PTPRT: variants seen among roughly 807,000 people sequenced by gnomAD.
The protein encoded by PTPRT is receptor-type tyrosine-protein phosphatase T.
A neutral mutation model predicts 176.8 loss-of-function variants in PTPRT; 56 were observed. The observed-to-expected ratio is 0.32, with a 90% CI of 0.26 to 0.40. The LOEUF is 0.40. PTPRT is among the 10% of genes least tolerant of loss of function. The pLI is 1.00. For missense variants in PTPRT, 1,540 were observed against 1,908.2 expected (o/e 0.81, Z 3.60); for synonymous variants, 783 against 739.0 (o/e 1.06, Z -0.96).
chr20:42,231,339 A>G (rs1408835959), intron 15 of PTPRT, among the ~76,000 whole-genome samples: 1 of 152,208 alleles, frequency 6.6e-6, no homozygotes, highest in Admixed American at 6.5e-5. Flanking sequence ...TGTGGTCCTG[A>G]GTTCAAACTT....
At chr20:42,090,016 G>C (rs1337854858) in intron 27 of PTPRT, among the ~76,000 whole-genome samples, 1 of 152,154 alleles carries the variant, frequency 6.6e-6, no homozygotes, top group Non-Finnish European at 1.5e-5. Context: ...ATGCATTGGG[G>C]TTTCTTCTTG....
intron 26 of PTPRT, among the ~76,000 whole-genome samples, chr20:42,101,661 G>A (rs553175730): frequency 1.3e-4 from 20 of 152,246 alleles, no homozygotes; most frequent in African/African-American, 2.4e-4. Flanking sequence ...CCTACTGTGC[G>A]CCATCCTCAT....
At chr20:42,341,938 G>T (rs112165066) in intron 11 of PTPRT, among the ~76,000 whole-genome samples, 12 of 152,278 alleles carry the variant, frequency 7.9e-5, no homozygotes, top group African/African-American at 2.6e-4. Context: ...ATATAATCCA[G>T]AATCCTAACA....
chr20:42,171,583 G>C (rs1990080537), intron 16 of PTPRT, among the ~76,000 whole-genome samples: 1 of 151,998 alleles, frequency 6.6e-6, no homozygotes, highest in Non-Finnish European at 1.5e-5. Context: ...ACTGTACAGG[G>C]TACTGTAGAG....
intron 1 of PTPRT, among the ~76,000 whole-genome samples, chr20:43,021,588 C>T (rs1568737887): frequency 6.6e-6 from 1 of 152,050 alleles, no homozygotes; most frequent in Non-Finnish European, 1.5e-5. Flanking sequence ...TGAATGGGGG[C>T]TGGGCTGGGG....
At chr20:42,218,475 T>C (rs746981336) in intron 15 of PTPRT, among the ~76,000 whole-genome samples, 3 of 152,214 alleles carry the variant, frequency 2.0e-5, no homozygotes, top group Non-Finnish European at 4.4e-5. Context: ...CCTAGGCCCT[T>C]CTTCCACCTG....
Position 42,924,311 on chromosome 20 carries a change from G to C in PTPRT, c.89-38379C>G, listed in dbSNP as rs186968984. ...TTGGGTTTAAAGCAGCATGCAGCTA[G>C]CTAGGAAGGCCATGGCATTTGTGTG... is the stretch of plus-strand genomic sequence containing the variant. On this transcript the variant is annotated intron_variant, in intron 1 of 30. Transcript: ENST00000373187. Among the ~76,000 whole-genome samples, 500 of 152,298 alleles carry C rather than the reference G, an allele frequency of 3.3e-3. 6 individuals carry two copies. The highest frequency in any genetic ancestry group is 0.012 in the African/African-American group (485 of 41,568).
the PTPRT span, among the ~76,000 whole-genome samples, chr20:42,037,655 AGAG>A: frequency 1.3e-5 from 2 of 152,228 alleles, no homozygotes; most frequent in Non-Finnish European, 2.9e-5. Context: ...TGTGGACCTC[AGAG>A]GAGTTTCTCA....
rs76007946 is a variant in PTPRT at position 42,892,487 on chromosome 20, T to TAA, written c.89-6557_89-6556dup. Reference sequence around the variant, plus strand: ...TTTAATATCCAGCAGTGGAGCTAAGTAAAAAAAAAAAAAAGAAAACTGGGC... The same window carrying TAA: ...TTTAATATCCAGCAGTGGAGCTAAGTAAAAAAAAAAAAAAAAGAAAACTGGGC... On this transcript the variant is annotated intron_variant, in intron 1 of 30. Transcript: ENST00000373187. 5.3e-5 allele frequency among the ~76,000 whole-genome samples: 7 copies of TAA among 132,002 alleles called. No homozygotes were observed. The South Asian group carries it at 1.2e-3, about 23-fold the overall frequency. The allele number at this position is 132,002 out of a possible 152,430, so 86.6% of individuals were successfully genotyped here.
intron 2 of PTPRT, among the ~76,000 whole-genome samples, chr20:42,881,794 G>C (rs2079016529): frequency 6.7e-6 from 1 of 149,980 alleles, no homozygotes; most frequent in African/African-American, 2.4e-5. Flanking sequence ...TCAACAAAGT[G>C]AAGAATTGAG....
intron 1 of PTPRT, among the ~76,000 whole-genome samples, chr20:43,039,379 T>C (rs1002426879): frequency 8.6e-5 from 13 of 151,546 alleles, no homozygotes; most frequent in African/African-American, 3.1e-4. Context: ...ACAAAATCTC[T>C]ATCTCACTCC....
At chr20:42,738,012 C>G (rs1010927413) in intron 6 of PTPRT, among the ~76,000 whole-genome samples, 1 of 152,140 alleles carries the variant, frequency 6.6e-6, no homozygotes, top group Non-Finnish European at 1.5e-5. Context: ...TACCTCACAA[C>G]AAACCTGAAG....
intron 9 of PTPRT, among the ~76,000 whole-genome samples, chr20:42,355,067 C>G (rs1385246674): frequency 6.6e-6 from 1 of 152,144 alleles, no homozygotes; most frequent in Non-Finnish European, 1.5e-5. Flanking sequence ...GAGGCAAGTG[C>G]TACAGGCATC....
At chr20:42,889,919 T>A (rs1159484043) in intron 1 of PTPRT, among the ~76,000 whole-genome samples, 1 of 152,112 alleles carries the variant, frequency 6.6e-6, no homozygotes, top group Non-Finnish European at 1.5e-5. Context: ...TGACACCCAA[T>A]AGAAAAAAAG....
intron 2 of PTPRT, among the ~76,000 whole-genome samples, chr20:42,794,242 G>C (rs922718247): frequency 6.6e-6 from 1 of 152,160 alleles, no homozygotes; most frequent in Non-Finnish European, 1.5e-5. Context: ...CTGAGTTCTA[G>C]ATAATGGGGC....
At chr20:42,036,383 C>G in the PTPRT span, among the ~76,000 whole-genome samples, 3 of 152,160 alleles carry the variant, frequency 2.0e-5, no homozygotes, top group East Asian at 5.8e-4. Context: ...TATACTCTTA[C>G]ATAGTTTTCA....
At chr20:42,765,256 G>T (rs1207182203) in intron 5 of PTPRT, among the ~76,000 whole-genome samples, 1 of 152,152 alleles carries the variant, frequency 6.6e-6, no homozygotes, top group Non-Finnish European at 1.5e-5. Context: ...GCTCCATGGT[G>T]GGGCTGACAG....
intron 4 of PTPRT, 64 bp from the exon 5 acceptor site, chr20:42,771,614 G>A: frequency 7.4e-7 from 1 of 1,359,998 alleles, no homozygotes. Context: ...TTCCCTATTG[G>A]TGGATGGCAG....
At chr20:42,768,011 C>A (rs997146244) in intron 5 of PTPRT, among the ~76,000 whole-genome samples, 3 of 150,030 alleles carry the variant, frequency 2.0e-5, no homozygotes, top group Non-Finnish European at 3.0e-5. Context: ...CACACACACA[C>A]ACACACACAC....
Sources: allele counts gnomAD v4.1 joint callset (sites outside exome capture counted in the v4.1 genomes callset), GRCh38; gene constraint gnomAD v4.1.1; transcripts MANE v1.5; gene names NCBI Gene and HGNC (gene_info 2026-07-23, HGNC 2026-07-21).